The following ATRNL1 variants were observed in gnomAD, a reference collection of about 807,000 sequenced individuals.
ATRNL1 encodes attractin like 1.
Under a neutral mutation model 182.7 loss-of-function variants are expected in ATRNL1, and 95 were observed. That is an observed-to-expected ratio of 0.52 (90% confidence interval 0.44 to 0.62). ATRNL1 has a LOEUF of 0.62. ATRNL1 is among the 20% of genes least tolerant of loss of function. ATRNL1 has a pLI of 0.00. For synonymous variants in ATRNL1, 576 were observed against 568.3 expected, an observed-to-expected ratio of 1.01 and a Z score of -0.19; for missense variants, 1,471 against 1,679.5, an observed-to-expected ratio of 0.88 and a Z score of 2.17.
At chr10:115,470,548 A>G (rs933262831) in intron 24 of ATRNL1, among the ~76,000 whole-genome samples, 1 of 150,652 alleles carries the variant, frequency 6.6e-6, no homozygotes, top group Non-Finnish European at 1.5e-5. Context: ...CTTAGTAATT[A>G]GTTATTAAAA....
chr10:115,341,928 G>A (rs1855770757), intron 19 of ATRNL1, among the ~76,000 whole-genome samples: 3 of 151,642 alleles, frequency 2.0e-5, no homozygotes, highest in Admixed American at 1.3e-4. Context: ...TATGTTTATT[G>A]TAGGCAACAG....
chr10:115,464,306 T>C (rs2134543242), intron 22 of ATRNL1, among the ~76,000 whole-genome samples: 1 of 151,252 alleles, frequency 6.6e-6, no homozygotes, highest in South Asian at 2.1e-4. Flanking sequence ...TAATAAAAAG[T>C]AGATAATTAT....
At chr10:115,290,022 G>T (rs1308310347) in intron 15 of ATRNL1, among the ~76,000 whole-genome samples, 1 of 150,474 alleles carries the variant, frequency 6.6e-6, no homozygotes, top group South Asian at 2.1e-4. Context: ...TGCATGGAAT[G>T]TCATTCCATT....
At chr10:115,766,956 T>G (rs1367878247) in intron 27 of ATRNL1, among the ~76,000 whole-genome samples, 1 of 152,188 alleles carries the variant, frequency 6.6e-6, no homozygotes, top group African/African-American at 2.4e-5. Context: ...ATCTGAAAAT[T>G]GTGGATAATA....
chr10:115,754,688 T>C (rs1948539482), intron 27 of ATRNL1, among the ~76,000 whole-genome samples: 1 of 152,154 alleles, frequency 6.6e-6, no homozygotes, highest in Admixed American at 6.6e-5. Context: ...TAAAGTAGTG[T>C]TTTCCAATTC....
chr10:115,480,313 A>C (rs1267533037), intron 24 of ATRNL1, among the ~76,000 whole-genome samples: 2 of 151,284 alleles, frequency 1.3e-5, no homozygotes, highest in East Asian at 3.9e-4. Context: ...AGTGGCTATC[A>C]TAAAAATGTG....
At chr10:115,647,473 C>G (rs1470016602) in intron 26 of ATRNL1, among the ~76,000 whole-genome samples, 1 of 152,144 alleles carries the variant, frequency 6.6e-6, no homozygotes, top group Non-Finnish European at 1.5e-5. Flanking sequence ...TGTTTCCTGA[C>G]TTTTTGATGA....
intron 28 of ATRNL1, among the ~76,000 whole-genome samples, chr10:115,944,255 T>TTTTTTTTTTTTTTTTGAG (rs1555124893): frequency 7.2e-6 from 1 of 138,028 alleles, no homozygotes; most frequent in Non-Finnish European, 1.6e-5. Flanking sequence ...GAAATGTTTT[T>TTTTTTTTTTTTTTTTGAG]AAAAATCTTA....
intron 26 of ATRNL1, among the ~76,000 whole-genome samples, chr10:115,555,001 T>A (rs1853228051): frequency 6.6e-6 from 1 of 151,824 alleles, no homozygotes; most frequent in Non-Finnish European, 1.5e-5. Context: ...AATGTATATC[T>A]CGATATATGT....
intron 21 of ATRNL1, among the ~76,000 whole-genome samples, chr10:115,442,674 A>G (rs528846426): frequency 7.4e-4 from 112 of 152,142 alleles, no homozygotes; most frequent in African/African-American, 2.6e-3. Flanking sequence ...TGTGGGCAGT[A>G]ATTTGTAACA....
At chr10:115,313,642 A>C (rs995863391) in intron 17 of ATRNL1, among the ~76,000 whole-genome samples, 4 of 152,200 alleles carry the variant, frequency 2.6e-5, no homozygotes, top group Admixed American at 1.3e-4. Flanking sequence ...TGGTGTCCAC[A>C]GGTAAAATCT....
At chr10:115,489,258 G>C (rs1849177312) in intron 24 of ATRNL1, among the ~76,000 whole-genome samples, 1 of 152,184 alleles carries the variant, frequency 6.6e-6, no homozygotes, top group Admixed American at 6.5e-5. Flanking sequence ...GTCCAGAGCT[G>C]AGTTCAAATC....
intron 19 of ATRNL1, among the ~76,000 whole-genome samples, chr10:115,368,660 C>T (rs114142821): frequency 0.013 from 1,965 of 152,178 alleles, 35 homozygotes; most frequent in African/African-American, 0.044. Context: ...TCCCCTTTTC[C>T]ACACCAGCTC....
chr10:115,725,270 CA>C (rs1380696583), intron 26 of ATRNL1, among the ~76,000 whole-genome samples: 1 of 151,990 alleles, frequency 6.6e-6, no homozygotes, highest in East Asian at 1.9e-4. Context: ...AAAAATTGAA[CA>C]AAAGTATCAG....
rs1176868889 is a variant in ATRNL1 at position 115,135,082 on chromosome 10, C to T, written c.829+5547C>T. 9.1e-4 allele frequency among the ~76,000 whole-genome samples: 139 copies of T among 152,040 alleles called. 1 individual carries two copies. In the South Asian group the frequency reaches 0.019, roughly 21 times the overall value. ...TGACAAACCCACAGCCAATATCATA[C>T]CGAATGGGCAAAAACTGGAAGCATT... On this transcript the variant is annotated intron_variant, in intron 5 of 28. Coordinates refer to ENST00000355044, the MANE Select transcript of ATRNL1 (RefSeq NM_207303.4).
At chr10:115,267,074 T>C (rs1479773071) in intron 12 of ATRNL1, 69 bp downstream of exon 12, 2 of 1,085,090 alleles carry the variant, frequency 1.8e-6, no homozygotes, top group African/African-American at 1.6e-5. Context: ...AAATATCTTC[T>C]GCTTATAAGA....
chr10:115,498,055 T>G (rs1345948658), intron 24 of ATRNL1, among the ~76,000 whole-genome samples: 6 of 152,210 alleles, frequency 3.9e-5, no homozygotes, highest in African/African-American at 1.4e-4. Flanking sequence ...CTTTATGCCA[T>G]TAAATTGATA....
chr10:115,517,275 G>A (rs1008882303), intron 24 of ATRNL1, among the ~76,000 whole-genome samples: 1 of 151,588 alleles, frequency 6.6e-6, no homozygotes, highest in Non-Finnish European at 1.5e-5. Flanking sequence ...TGTTTTCTTT[G>A]TCTCAGTGTT....
intron 28 of ATRNL1, among the ~76,000 whole-genome samples, chr10:115,851,073 T>C (rs1172484110): frequency 6.6e-6 from 1 of 152,162 alleles, no homozygotes; most frequent in East Asian, 1.9e-4. Flanking sequence ...CTTTGCATAA[T>C]CTCAAATTTT....
Sources: gnomAD v4.1 joint callset for allele counts (sites outside exome capture counted in the v4.1 genomes callset) on GRCh38, gnomAD v4.1.1 for gene constraint, MANE v1.5 for transcripts, NCBI Gene and HGNC (gene_info 2026-07-23, HGNC 2026-07-21) for gene names.